Variants in MEGF10 observed in about 807,000 individuals in gnomAD.
MEGF10 encodes multiple EGF like domains 10.
MEGF10 carries 86 observed loss-of-function variants against 147.5 expected under a neutral mutation model. The observed-to-expected ratio is 0.58, with a 90% CI of 0.49 to 0.70. The LOEUF is 0.70. Ranked by LOEUF, MEGF10 falls within the 30% of genes least tolerant of loss-of-function variation. The pLI, the probability that MEGF10 is intolerant of heterozygous loss-of-function variation, is 0.00. For synonymous variants in MEGF10, 478 were observed against 525.5 expected (o/e 0.91, Z 1.24); for missense variants, 1,329 against 1,487.3 (o/e 0.89, Z 1.75).
At chr5:127,282,039 T>G in the MEGF10 span, among the ~76,000 whole-genome samples, 3 of 152,214 alleles carry the variant, frequency 2.0e-5, no homozygotes, top group Non-Finnish European at 4.4e-5. Context: ...TTCCTCCTGT[T>G]GAAATGTGTG....
chr5:127,344,941 C>T (rs978074631), intron 4 of MEGF10, among the ~76,000 whole-genome samples: 9 of 152,168 alleles, frequency 5.9e-5, no homozygotes, highest in Non-Finnish European at 1.2e-4. Context: ...AGCAAGGCAG[C>T]CTAGTCAGGT....
At chr5:127,364,031 G>A (rs1762570309) in intron 4 of MEGF10, among the ~76,000 whole-genome samples, 1 of 152,136 alleles carries the variant, frequency 6.6e-6, no homozygotes, top group Admixed American at 6.5e-5. Context: ...CAGCTCAGAT[G>A]TTTTATCTTT....
At chr5:127,394,308 G>A (rs923031193) in intron 5 of MEGF10, among the ~76,000 whole-genome samples, 2 of 152,180 alleles carry the variant, frequency 1.3e-5, no homozygotes, top group Non-Finnish European at 2.9e-5. Flanking sequence ...AAGTATTGGA[G>A]TTGTAGTATC....
At chr5:127,262,574 C>T in the MEGF10 span, among the ~76,000 whole-genome samples, 1 of 152,154 alleles carries the variant, frequency 6.6e-6, no homozygotes. Flanking sequence ...GAAAGCAGGC[C>T]ACATGCCTCC....
At chr5:127,380,151 C>T (rs190044756) in intron 5 of MEGF10, among the ~76,000 whole-genome samples, 311 of 151,246 alleles carry the variant, frequency 2.1e-3, no homozygotes, top group Middle Eastern at 6.8e-3. Flanking sequence ...TCCCTGCTGT[C>T]TAGCTATCAC....
the MEGF10 span, among the ~76,000 whole-genome samples, chr5:127,231,423 T>G: frequency 2.6e-5 from 4 of 152,206 alleles, no homozygotes; most frequent in Non-Finnish European, 5.9e-5. Context: ...CACTCTTTCT[T>G]GGAATCTGGT....
the MEGF10 span, among the ~76,000 whole-genome samples, chr5:127,255,126 G>C: frequency 6.6e-6 from 1 of 152,004 alleles, no homozygotes; most frequent in Non-Finnish European, 1.5e-5. Flanking sequence ...CAGCCTCTGG[G>C]TGGGGGCTGC....
At chr5:127,254,252 C>T in the MEGF10 span, among the ~76,000 whole-genome samples, 1 of 152,086 alleles carries the variant, frequency 6.6e-6, no homozygotes, top group Non-Finnish European at 1.5e-5. Context: ...GTCTCCGTCC[C>T]CCAACTCAAA....
intron 9 of MEGF10, among the ~76,000 whole-genome samples, chr5:127,415,896 CAAAAAA>C (rs1156648076): frequency 1.8e-5 from 1 of 55,578 alleles, no homozygotes; most frequent in African/African-American, 5.8e-5. Context: ...GACTCCATCT[CAAAAAA>C]AAAAAAAAAA....
chr5:127,388,302 C>T (rs1400125954), intron 5 of MEGF10, among the ~76,000 whole-genome samples: 2 of 151,872 alleles, frequency 1.3e-5, no homozygotes, highest in African/African-American at 4.8e-5. Flanking sequence ...GTGCATGCCA[C>T]CACATTCAGC....
At chr5:127,423,370 G>A (rs1765095456) in intron 13 of MEGF10, among the ~76,000 whole-genome samples, 2 of 152,164 alleles carry the variant, frequency 1.3e-5, no homozygotes, top group South Asian at 4.1e-4. Context: ...AGTTTATCAA[G>A]CTAAAAGTGA....
chr5:127,275,577 T>G, the MEGF10 span, among the ~76,000 whole-genome samples: 7 of 141,192 alleles, frequency 5.0e-5, no homozygotes, highest in African/African-American at 1.9e-4. Context: ...CTGCTGCCTT[T>G]CGAATTCGAA....
chr5:127,397,829 G>A (rs539645688), intron 6 of MEGF10, among the ~76,000 whole-genome samples: 1 of 152,182 alleles, frequency 6.6e-6, no homozygotes, highest in South Asian at 2.1e-4. Context: ...CATGCGACAC[G>A]TGGGTGGGTG....
At chr5:127,318,380 A>G (rs1760649227) in intron 1 of MEGF10, among the ~76,000 whole-genome samples, 1 of 152,202 alleles carries the variant, frequency 6.6e-6, no homozygotes, top group Admixed American at 6.5e-5. Context: ...TGATGTTTTC[A>G]GGAATATCCA....
At chr5:127,280,897 A>T in the MEGF10 span, among the ~76,000 whole-genome samples, 1 of 152,000 alleles carries the variant, frequency 6.6e-6, no homozygotes, top group East Asian at 1.9e-4. Flanking sequence ...GCTTCTTAGG[A>T]CTCCTTTCCA....
At chr5:127,333,035 G>A (rs955108091) in intron 2 of MEGF10, among the ~76,000 whole-genome samples, 10 of 152,076 alleles carry the variant, frequency 6.6e-5, no homozygotes, top group African/African-American at 1.7e-4. Flanking sequence ...ATGACATTGC[G>A]CATATGGAAA....
intron 4 of MEGF10, among the ~76,000 whole-genome samples, chr5:127,357,296 CAA>C (rs1762310648): frequency 6.6e-6 from 1 of 152,034 alleles, no homozygotes. Context: ...TATTTTATGA[CAA>C]ACAGTTGTTC....
chr5:127,236,813 C>T, the MEGF10 span, among the ~76,000 whole-genome samples: 3 of 152,140 alleles, frequency 2.0e-5, no homozygotes, highest in African/African-American at 7.2e-5. Context: ...GGAAACTTAC[C>T]TATATTACAA....
intron 13 of MEGF10, among the ~76,000 whole-genome samples, chr5:127,427,813 A>AGG (rs1216560608): frequency 3.3e-5 from 5 of 152,196 alleles, no homozygotes; most frequent in Non-Finnish European, 7.3e-5. Flanking sequence ...TCCAAGTTGG[A>AGG]GGTAATAACT....
Sources: gnomAD v4.1 joint callset for allele counts (sites outside exome capture counted in the v4.1 genomes callset) on GRCh38, gnomAD v4.1.1 for gene constraint, MANE v1.5 for transcripts, NCBI Gene and HGNC (gene_info 2026-07-23, HGNC 2026-07-21) for gene names.